Variants in SH3PXD2B observed in about 807,000 individuals in gnomAD.
SH3PXD2B encodes SH3 and PX domain-containing protein 2B.
SH3PXD2B carries 37 observed loss-of-function variants against 73.1 expected under a neutral mutation model. That is an observed-to-expected ratio of 0.51 (90% confidence interval 0.39 to 0.67). The LOEUF (loss-of-function observed/expected upper bound fraction) is 0.67. Ranked by LOEUF, SH3PXD2B falls within the 30% of genes least tolerant of loss-of-function variation. The pLI is 0.00. For missense variants in SH3PXD2B, 1,053 were observed against 1,197.8 expected (o/e 0.88, Z 1.78); for synonymous variants, 457 against 480.5 (o/e 0.95, Z 0.64).
At chr5:172,420,261 C>T (rs1256102160) in intron 2 of SH3PXD2B, among the ~76,000 whole-genome samples, 6 of 152,226 alleles carry the variant, frequency 3.9e-5, no homozygotes, top group South Asian at 2.1e-4. Context: ...GTTTATGATA[C>T]TGTTTGATAT....
chr5:172,438,479 G>A (rs1287654876), intron 1 of SH3PXD2B, among the ~76,000 whole-genome samples: 1 of 152,156 alleles, frequency 6.6e-6, no homozygotes, highest in East Asian at 1.9e-4. Flanking sequence ...CCGAAACAGG[G>A]CCACACAGTC....
At chr5:172,403,632 G>T (rs370093693) in intron 3 of SH3PXD2B, among the ~76,000 whole-genome samples, 6 of 152,176 alleles carry the variant, frequency 3.9e-5, no homozygotes, top group African/African-American at 1.4e-4. Flanking sequence ...GGAGAGGGTC[G>T]GCTCAAGTTC....
rs1756612877 is a variant in SH3PXD2B at position 172,333,548 on chromosome 5, A to T, written c.*4821T>A. 1.7e-6 allele frequency: 2 copies of T among 1,171,110 alleles called. No individual in the cohort carries two copies. The highest frequency in any genetic ancestry group is 2.1e-6 in the Non-Finnish European group (2 of 937,316). 72.5% of individuals were successfully genotyped at this position (1,171,110 alleles called of 1,614,324 possible). On this transcript the variant is annotated 3_prime_UTR_variant, in exon 13 of 13. Transcript: ENST00000311601. Reference sequence around the variant, plus strand: ...CAAGCACTTTTTTTATTTAAAAAAAAAAAAAGGAAAGAAGTCAAATGGTAA... The same window carrying T: ...CAAGCACTTTTTTTATTTAAAAAAATAAAAAGGAAAGAAGTCAAATGGTAA...
At chr5:172,391,853 G>A (rs1369585960) in intron 4 of SH3PXD2B, among the ~76,000 whole-genome samples, 1 of 152,112 alleles carries the variant, frequency 6.6e-6, no homozygotes, top group Non-Finnish European at 1.5e-5. Context: ...TTCTTTAAAG[G>A]CTCACACTTT....
In SH3PXD2B at chr5:172,421,479, G is replaced by A. The variant is rs1758961576; in HGVS notation, c.156+937C>T. On this transcript the variant is annotated intron_variant, in intron 2 of 12. Coordinates refer to ENST00000311601, the MANE Select transcript of SH3PXD2B (RefSeq NM_001017995.3). The surrounding 1 kb of genome is among the most constrained non-coding windows in gnomAD (Gnocchi z 4.0). ...ATAAACTATTAAGGACAGACAGGAA[G>A]AGAAAGATGTGGTTCTGGCCCACAA... is the stretch of plus-strand genomic sequence containing the variant. Among the ~76,000 whole-genome samples the A allele has an allele frequency of 1.3e-5, 2 of 152,170 alleles. No homozygotes were observed. Among genetic ancestry groups the A allele is most frequent in the Non-Finnish European group, 2.9e-5 (2 of 68,038 alleles).
Position 172,339,877 on chromosome 5 carries a change from T to C in SH3PXD2B, c.1228A>G (p.Ile410Val), listed in dbSNP as rs780354521. The C allele has an allele frequency of 3.7e-6, 6 of 1,614,204 alleles. No homozygotes were observed. The South Asian group carries it at 4.4e-5, about 12-fold the overall frequency. Residue 410 changes from isoleucine (I) to valine (V), a missense_variant, in exon 13 of 13, where the codon ATT (isoleucine) becomes GTT (valine). By Grantham distance (29) the Ile-to-Val change is conservative (BLOSUM62 3). Around this residue, in one of 2 missense-constraint regions of SH3PXD2B, gnomAD observed 466 missense variants for 607.1 expected, o/e 0.77. Transcript: ENST00000311601. The surrounding 1 kb of genome is among the most constrained non-coding windows in gnomAD (Gnocchi z 6.1). ...GGGGCCCACCCTTCCTTATCTTCAATCTGAATGTACCACCAGCCACTCAAG... is the reference window on the plus strand; with the variant it reads ...GGGGCCCACCCTTCCTTATCTTCAACCTGAATGTACCACCAGCCACTCAAG... Reference protein sequence around the residue: ...KNLSGWWYIQIEDKEGWAPAT... With the variant: ...KNLSGWWYIQVEDKEGWAPAT...
intron 1 of SH3PXD2B, among the ~76,000 whole-genome samples, chr5:172,430,756 C>T (rs1471885937): frequency 6.6e-6 from 1 of 152,244 alleles, no homozygotes; most frequent in Non-Finnish European, 1.5e-5. Context: ...CAACCTGTGC[C>T]AGGGCCTCCA....
At position 172,325,742 on chromosome 5, in the gene SH3PXD2B, G is replaced by A. The variant is rs75556753; in HGVS notation, c.1189-362C>T. On this transcript the variant is annotated intron_variant, in intron 12 of 12. Coordinates refer to the SH3PXD2B transcript ENST00000519643. ...GAGGGGCCCTCCTGGCCTAGTCACT[G>A]CTTAAAGGCCCTGCCTGGTTTTTTG... 5.5e-3 allele frequency among the ~76,000 whole-genome samples: 832 copies of A among 152,274 alleles called. 10 individuals are homozygous for A. The highest frequency in any genetic ancestry group is 0.019 in the African/African-American group (801 of 41,560).
chr5:172,399,820 G>A (rs1758387401), intron 3 of SH3PXD2B, among the ~76,000 whole-genome samples: 1 of 152,054 alleles, frequency 6.6e-6, no homozygotes, highest in Non-Finnish European at 1.5e-5. Context: ...CTCTCACACT[G>A]ATTTACCTGC....
At chr5:172,439,281 C>T (rs11272067) in intron 1 of SH3PXD2B, among the ~76,000 whole-genome samples, 36 of 41,916 alleles carry the variant, frequency 8.6e-4, no homozygotes, top group Non-Finnish European at 1.6e-3. Flanking sequence ...AAAAACAAAA[C>T]AAAAAAAAAA....
Position 172,336,706 on chromosome 5 carries a change from G to GGGGCA in SH3PXD2B, c.*1658_*1662dup, listed in dbSNP as rs769407514. 185 of 983,682 alleles carry GGGGCA rather than the reference G, an allele frequency of 1.9e-4. No individual in the cohort carries two copies. The highest frequency in any genetic ancestry group is 9.9e-4 in the South Asian group (21 of 21,194). The allele number at this position is 983,682 out of a possible 1,614,324, so 60.9% of individuals were successfully genotyped here. On this transcript the variant is annotated 3_prime_UTR_variant, in exon 13 of 13. Coordinates refer to ENST00000311601, the MANE Select transcript of SH3PXD2B (RefSeq NM_001017995.3). Reference sequence around the variant, plus strand: ...GGGGCAGGGCAGGGTGGGGAGGGGCGGGGCAGGGCAGGGCAGGGCTGCCTC... The same window carrying GGGGCA: ...GGGGCAGGGCAGGGTGGGGAGGGGCGGGGCAGGGCAGGGCAGGGCAGGGCTGCCTC...
chr5:172,437,095 G>C lies in SH3PXD2B; in HGVS notation c.76-14599C>G, dbSNP rs185233694. 2.0e-5 allele frequency among the ~76,000 whole-genome samples: 3 copies of C among 152,236 alleles called. No homozygotes were observed. The East Asian group carries it at 5.8e-4, about 29-fold the overall frequency. Reference sequence around the variant, plus strand: ...GCTTGCTCTGGGAATATGCTGTCTTGGTCACACAGGCCCAAGGTGGATAAG... The same window carrying C: ...GCTTGCTCTGGGAATATGCTGTCTTCGTCACACAGGCCCAAGGTGGATAAG... On this transcript the variant is annotated intron_variant, in intron 1 of 12. Transcript: ENST00000311601.
intron 2 of SH3PXD2B, among the ~76,000 whole-genome samples, chr5:172,409,963 G>T (rs916482155): frequency 1.6e-4 from 24 of 152,166 alleles, no homozygotes; most frequent in African/African-American, 5.8e-4. Context: ...TGATCCACCT[G>T]CCCCGGCCTC....
chr5:172,349,280 C>T (rs1476503785), intron 10 of SH3PXD2B, among the ~76,000 whole-genome samples: 1 of 152,236 alleles, frequency 6.6e-6, no homozygotes, highest in African/African-American at 2.4e-5. Flanking sequence ...GGGGCAGTGG[C>T]CTCATCTCTG....
Position 172,382,042 on chromosome 5 carries a change from G to T in SH3PXD2B, c.395C>A (p.Pro132His), listed in dbSNP as rs778527787. 2.6e-5 allele frequency: 42 copies of T among 1,610,726 alleles called. No homozygotes were observed. The South Asian group carries it at 4.1e-4, about 16-fold the overall frequency. The change falls in exon 5 of 13, where the codon CCC becomes CAC. Residue 132 changes from proline to histidine, a missense_variant. Pro to His is a moderately conservative substitution (Grantham distance 77, BLOSUM62 -2). Around this residue, in one of 2 missense-constraint regions of SH3PXD2B, gnomAD observed 466 missense variants for 607.1 expected, o/e 0.77. Coordinates refer to ENST00000311601, the MANE Select transcript of SH3PXD2B (RefSeq NM_001017995.3). ...FETRPEDLNP[P>H]KEEHIGKKKS... ...AGCCCACAAACAAACTTACTCTTTG[G>T]GGGGATTCAGGTCCTCAGGTCTTGT... is the stretch of plus-strand genomic sequence containing the variant.
chr5:172,375,392 T>C (rs916792896), intron 5 of SH3PXD2B, among the ~76,000 whole-genome samples: 2 of 151,938 alleles, frequency 1.3e-5, no homozygotes, highest in African/African-American at 2.4e-5. Flanking sequence ...ACAAAACCCA[T>C]CCTTTTAAGG....
intron 3 of SH3PXD2B, among the ~76,000 whole-genome samples, chr5:172,405,866 C>T (rs112984362): frequency 2.0e-5 from 3 of 152,138 alleles, no homozygotes; most frequent in Admixed American, 6.5e-5. Flanking sequence ...TTTCTGAGTT[C>T]GAATTATTCC....
At chr5:172,432,777 T>C (rs1398668508) in intron 1 of SH3PXD2B, among the ~76,000 whole-genome samples, 1 of 151,962 alleles carries the variant, frequency 6.6e-6, no homozygotes, top group African/African-American at 2.4e-5. Flanking sequence ...CCAGGCATGG[T>C]GGTGCATGCC....
At position 172,373,745 on chromosome 5, in the gene SH3PXD2B, T is replaced by G. The variant is rs187695188; in HGVS notation, c.427+45A>C. 73 of 1,591,528 alleles carry G rather than the reference T, an allele frequency of 4.6e-5. No homozygotes were observed. The Admixed American group carries it at 1.2e-3, about 27-fold the overall frequency. ...TGCACAGTTGGTGCTCGGCTGGAGT[T>G]TGCCGAAAACTGAACGAAGAGAAGA... On this transcript the variant is annotated intron_variant, in intron 6 of 12. Transcript: ENST00000311601.
Sources: allele counts gnomAD v4.1 joint callset (sites outside exome capture counted in the v4.1 genomes callset), GRCh38; gene constraint gnomAD v4.1.1; regional missense constraint gnomAD v4.1.1; non-coding constraint Gnocchi (gnomAD v3.1); transcripts MANE v1.5; gene names NCBI Gene and HGNC (gene_info 2026-07-23, HGNC 2026-07-21).